Variants in EPS15L1 observed in about 807,000 individuals in gnomAD.
EPS15L1 encodes epidermal growth factor receptor pathway substrate 15 like 1, also known as epidermal growth factor receptor substrate 15-like 1.
In EPS15L1, 43 loss-of-function variants were observed where a neutral mutation model predicts 117.1. That is an observed-to-expected ratio of 0.37 (90% CI 0.29 to 0.47). The LOEUF is 0.47. EPS15L1 is among the 20% of genes least tolerant of loss of function. EPS15L1 has a pLI of 0.99. For synonymous variants in EPS15L1, 459 were observed against 470.5 expected, an observed-to-expected ratio of 0.98 and a Z score of 0.32; for missense variants, 981 against 1,164.0, an observed-to-expected ratio of 0.84 and a Z score of 2.29.
chr19:16,396,673 C>T (rs923046533), intron 16 of EPS15L1, among the ~76,000 whole-genome samples: 18 of 151,944 alleles, frequency 1.2e-4, no homozygotes, highest in Admixed American at 8.5e-4. Context: ...AATGGATAAA[C>T]GGAAAAACAA....
intron 22 of EPS15L1, among the ~76,000 whole-genome samples, chr19:16,369,919 C>G (rs1185286830): frequency 6.6e-6 from 1 of 152,210 alleles, no homozygotes; most frequent in African/African-American, 2.4e-5. Context: ...GCTATCTATG[C>G]ATGAGCCAGG....
In EPS15L1 at chr19:16,425,142, C is replaced by T. The variant is rs369307683; in HGVS notation, c.733G>A (p.Val245Ile). ...SLRSTPSHGS[V>I]SSLNSTGSLS... ...CTCCCTGTGCTGTTGAGGCTGCTGA[C>T]GCTGCCGTGGGACGGCGTGGAGCGG... Residue 245 changes from valine to isoleucine, a missense_variant, in exon 9 of 24, where the codon GTC (valine) becomes ATC (isoleucine). This residue lies in a region of EPS15L1 where 819 missense variants were observed against 949.0 expected (regional missense o/e 0.86). Transcript: ENST00000455140. The T allele has an allele frequency of 3.0e-5, 48 of 1,613,984 alleles. No homozygotes were observed. Among genetic ancestry groups the T allele is most frequent in the African/African-American group, 5.3e-5 (4 of 74,924 alleles).
At chr19:16,397,148 G>T (rs1198085464) in intron 16 of EPS15L1, among the ~76,000 whole-genome samples, 2 of 151,818 alleles carry the variant, frequency 1.3e-5, no homozygotes, top group Non-Finnish European at 2.9e-5. Context: ...GGAGTGCAGT[G>T]GCGTGATCTC....
In EPS15L1 at chr19:16,381,762, GA is replaced by G. The variant is rs1258924079; in HGVS notation, c.2247+3366del. ...GTCGGCTGTTTGGGAAAGAATGGGG[GA>G]AAAACACTGGCCCGTCTGTGGGTGC... On this transcript the variant is annotated intron_variant, in intron 21 of 23. Transcript: ENST00000455140. This position sits in a 1 kb window ranked among gnomAD's most constrained non-coding sequence, Gnocchi z 4.2. Among the ~76,000 whole-genome samples, 2 of 152,216 alleles carry G rather than the reference GA, an allele frequency of 1.3e-5. No homozygotes were observed. The highest frequency in any genetic ancestry group is 2.9e-5 in the Non-Finnish European group (2 of 68,034).
intron 1 of EPS15L1, among the ~76,000 whole-genome samples, chr19:16,444,171 C>CAAAA (rs61347144): frequency 1.4e-5 from 1 of 71,220 alleles, no homozygotes; most frequent in Non-Finnish European, 3.0e-5. Flanking sequence ...GGGAAAAAGT[C>CAAAA]AAAAAAAAAA....
chr19:16,470,339 A>G (rs2093337708), intron 1 of EPS15L1, among the ~76,000 whole-genome samples: 1 of 151,986 alleles, frequency 6.6e-6, no homozygotes, highest in African/African-American at 2.4e-5. Flanking sequence ...GTGAGCTGAG[A>G]TCATGCCACT....
At chr19:16,399,906 A>G (rs969770012) in intron 16 of EPS15L1, among the ~76,000 whole-genome samples, 2 of 152,104 alleles carry the variant, frequency 1.3e-5, no homozygotes, top group African/African-American at 4.8e-5. Flanking sequence ...AGATCAATCA[A>G]CCTTTCTTAA....
At chr19:16,457,868 G>T (rs972361333) in intron 1 of EPS15L1, among the ~76,000 whole-genome samples, 1 of 151,888 alleles carries the variant, frequency 6.6e-6, no homozygotes, top group Non-Finnish European at 1.5e-5. Context: ...CAAGACTGGG[G>T]GGGAGGGGGG....
intron 2 of EPS15L1, 70 bp from the exon 3 acceptor site, chr19:16,442,051 A>G: frequency 6.7e-7 from 1 of 1,488,070 alleles, no homozygotes; most frequent in South Asian, 1.1e-5. Flanking sequence ...GGCACCCGCC[A>G]CGCTAACTAT....
intron 9 of EPS15L1, among the ~76,000 whole-genome samples, chr19:16,422,461 T>A (rs1294122087): frequency 2.0e-5 from 3 of 152,118 alleles, no homozygotes; most frequent in Non-Finnish European, 4.4e-5. Context: ...AACAATCTCA[T>A]AATAGCAATG....
chr19:16,447,104 G>A (rs1049405976), intron 1 of EPS15L1, among the ~76,000 whole-genome samples: 3 of 152,172 alleles, frequency 2.0e-5, no homozygotes, highest in Admixed American at 1.3e-4. Flanking sequence ...TGTGAGCCCA[G>A]CCCTCCCAGC....
intron 11 of EPS15L1, 28 bp downstream of exon 11, chr19:16,417,920 C>A: frequency 6.3e-7 from 1 of 1,598,876 alleles, no homozygotes; most frequent in Non-Finnish European, 8.5e-7. Context: ...GATGTCAATA[C>A]CCCCAGGGCA....
At chr19:16,433,993 A>AAATG (rs1389466648) in intron 7 of EPS15L1, among the ~76,000 whole-genome samples, 1 of 152,058 alleles carries the variant, frequency 6.6e-6, no homozygotes, top group East Asian at 1.9e-4. Flanking sequence ...ATAAATAAAT[A>AAATG]AATAGACACA....
At chr19:16,397,306 T>C (rs1442283120) in intron 16 of EPS15L1, among the ~76,000 whole-genome samples, 1 of 152,168 alleles carries the variant, frequency 6.6e-6, no homozygotes, top group Non-Finnish European at 1.5e-5. Flanking sequence ...GGCAGGCCAG[T>C]CTTGATCTCC....
chr19:16,417,363 T>A, intron 12 of EPS15L1, 189 bp downstream of exon 12: 1 of 588,360 alleles, frequency 1.7e-6, no homozygotes, highest in South Asian at 1.9e-5. Flanking sequence ...CTGAGGCTGA[T>A]TCAAATGGAA....
In EPS15L1 at chr19:16,371,300, G is replaced by A. The variant is rs191693083; in HGVS notation, c.2380+5822C>T. On this transcript the variant is annotated intron_variant, in intron 22 of 23. Transcript: ENST00000455140. The surrounding 1 kb of genome is among the most constrained non-coding windows in gnomAD (Gnocchi z 4.7). The stretch of plus-strand genomic sequence containing the variant: ...TCCTGTGTGGCACCCCCGGCAGGGA[G>A]GTCAAGAACTCACGGCCACCCTGGG... Among the ~76,000 whole-genome samples the A allele has an allele frequency of 6.6e-6, 1 of 152,174 alleles. No individual in the cohort carries two copies. Among genetic ancestry groups the A allele is most frequent in the East Asian group, 1.9e-4 (1 of 5,194 alleles).
At chr19:16,401,995 T>G in intron 16 of EPS15L1, 24 of 1,081,514 alleles carry the variant, frequency 2.2e-5, no homozygotes, top group East Asian at 6.5e-5. Context: ...ACTGATCCAA[T>G]TTTGGTTAAG....
intron 21 of EPS15L1, among the ~76,000 whole-genome samples, chr19:16,382,635 T>C (rs534885627): frequency 2.6e-5 from 4 of 152,212 alleles, no homozygotes; most frequent in South Asian, 2.1e-4. Flanking sequence ...TTTTTTTTTT[T>C]CAGGGCAGAA....
chr19:16,416,954 G>C (rs1397708165), intron 12 of EPS15L1, among the ~76,000 whole-genome samples: 2 of 152,212 alleles, frequency 1.3e-5, no homozygotes, highest in Non-Finnish European at 2.9e-5. Context: ...TAGGCAAGAA[G>C]GGGAGCCACA....
Sources: allele counts gnomAD v4.1 joint callset (sites outside exome capture counted in the v4.1 genomes callset), GRCh38; gene constraint gnomAD v4.1.1; regional missense constraint gnomAD v4.1.1; non-coding constraint Gnocchi (gnomAD v3.1); transcripts MANE v1.5; gene names NCBI Gene and HGNC (gene_info 2026-07-23, HGNC 2026-07-21).